Variants in BAHCC1 observed in about 807,000 individuals in gnomAD.
The protein encoded by BAHCC1 is BAH and coiled-coil domain-containing protein 1.
BAHCC1 carries 43 observed loss-of-function variants against 88.2 expected under a neutral mutation model. That is an observed-to-expected ratio of 0.49 (90% CI 0.38 to 0.63). BAHCC1 has a LOEUF of 0.63. Among genes scored for constraint, BAHCC1 ranks in the 20% least tolerant of loss-of-function variants. BAHCC1 has a pLI of 0.00. For synonymous variants in BAHCC1, 1,510 were observed against 745.5 expected, an observed-to-expected ratio of 2.03 and a Z score of -16.71; for missense variants, 3,023 against 1,654.8, an observed-to-expected ratio of 1.83 and a Z score of -14.34.
chr17:81,459,262 C>A lies in BAHCC1; in HGVS notation c.5730C>A (p.Ile1910=). 1 of 779,346 alleles carries A rather than the reference C, an allele frequency of 1.3e-6. No individual in the cohort carries two copies. Among genetic ancestry groups the A allele is most frequent in the Non-Finnish European group, 2.4e-6 (1 of 417,670 alleles). The allele number at this position is 779,346 out of a possible 1,614,324, so 48.3% of individuals were successfully genotyped here. A position where few individuals can be genotyped will look rare whatever the true frequency, so the allele number is the denominator to read the frequency against. The part of the protein sequence containing the change: ...RTLQPPDIYS[I]VIEGERGNRQ... ...TCCCCAATGCCCCCAGCTATAGCATCGTCATCGAGGGCGAGAGGGGCAACC... is the reference window on the plus strand; with the variant it reads ...TCCCCAATGCCCCCAGCTATAGCATAGTCATCGAGGGCGAGAGGGGCAACC... The change falls in exon 22 of 28, where the codon ATC becomes ATA. Residue 1910 remains isoleucine, a synonymous_variant. Transcript: ENST00000675386.
chr17:81,460,781 G>A (rs2030184656), intron 25 of BAHCC1, 75 bp downstream of exon 25: 1 of 773,314 alleles, frequency 1.3e-6, no homozygotes, highest in Non-Finnish European at 2.4e-6. Context: ...GGAGGCCCGT[G>A]GGGTAGGCAG....
At chr17:81,409,753 C>T (rs892431451) in intron 2 of BAHCC1, among the ~76,000 whole-genome samples, 3 of 152,190 alleles carry the variant, frequency 2.0e-5, no homozygotes, top group Non-Finnish European at 4.4e-5. Context: ...CCCTCTGCGA[C>T]GTCTCCATCC....
intron 4 of BAHCC1, among the ~76,000 whole-genome samples, 163 bp from the exon 5 acceptor site, chr17:81,441,668 C>CA (rs11333301): frequency 0.2 from 18,651 of 91,380 alleles, 1,751 homozygotes; most frequent in East Asian, 0.38. Context: ...GACTCCGTCT[C>CA]AAAAAAAAAA....
Position 81,464,003 on chromosome 17 carries a change from C to A in BAHCC1, c.*186C>A, listed in dbSNP as rs1348843519. The A allele has an allele frequency of 3.3e-6, 2 of 605,036 alleles. No individual in the cohort carries two copies. The highest frequency in any genetic ancestry group is 5.9e-6 in the Non-Finnish European group (2 of 338,308). The allele number at this position is 605,036 out of a possible 1,614,324, so 37.5% of individuals were successfully genotyped here. ...TCCCTGGAAAGAGCGCTCCAGGTGT[C>A]GGAATCCAGTCCCGTCCCATCCTCT... On this transcript the variant is annotated 3_prime_UTR_variant, in exon 28 of 28. Transcript: ENST00000675386.
At chr17:81,460,753 T>G (rs1364290151) in intron 25 of BAHCC1, 47 bp downstream of exon 25, 1 of 776,272 alleles carries the variant, frequency 1.3e-6, no homozygotes, top group Non-Finnish European at 2.4e-6. Flanking sequence ...AGGCACCCTC[T>G]GGGGGCTGGG....
intron 2 of BAHCC1, among the ~76,000 whole-genome samples, chr17:81,418,859 A>C (rs1350586162): frequency 6.7e-6 from 1 of 149,940 alleles, no homozygotes. Context: ...CATGTAGCAC[A>C]GTCAGACCTT....
intron 2 of BAHCC1, among the ~76,000 whole-genome samples, chr17:81,412,836 G>A (rs2063971332): frequency 1.3e-5 from 2 of 152,230 alleles, no homozygotes; most frequent in South Asian, 4.1e-4. Flanking sequence ...CCAGGTGTTG[G>A]CTGGGGCCTC....
At chr17:81,396,636 G>C (rs998016052) in intron 1 of BAHCC1, 1 of 152,174 alleles carries the variant, frequency 6.6e-6, no homozygotes, top group Non-Finnish European at 1.5e-5. Flanking sequence ...CCTGGTCTCC[G>C]GCAGGCGGGC....
At position 81,458,649 on chromosome 17, in the gene BAHCC1, T is replaced by A. The variant is rs1555658195; in HGVS notation, c.5372T>A (p.Leu1791Gln). 1 of 719,522 alleles carries A rather than the reference T, an allele frequency of 1.4e-6. No individual in the cohort carries two copies. The highest frequency in any genetic ancestry group is 2.6e-6 in the Non-Finnish European group (1 of 386,428). 44.6% of individuals were successfully genotyped at this position (719,522 alleles called of 1,614,324 possible). A position where few individuals can be genotyped will look rare whatever the true frequency, so the allele number is the denominator to read the frequency against. ...AAGAACGGGGCCCTGTCCATCACGC[T>A]GGCCACACGCAACGCCAAGGCCATC... The part of the protein sequence containing the change: ...RRKNGALSIT[L>Q]ATRNAKAILG... The change falls in exon 19 of 28, where the codon CTG becomes CAG. Residue 1791 changes from leucine (L) to glutamine (Q), a missense_variant. Coordinates refer to ENST00000675386, the MANE Select transcript of BAHCC1 (RefSeq NM_001377448.1).
In BAHCC1 at chr17:81,445,819, C is replaced by G. The variant is rs945062233; in HGVS notation, c.3163+138C>G. The G allele has an allele frequency of 2.8e-5, 17 of 605,946 alleles. No individual in the cohort carries two copies. The South Asian group carries it at 3.3e-4, about 12-fold the overall frequency. The allele number at this position is 605,946 out of a possible 1,614,324, so 37.5% of individuals were successfully genotyped here. On this transcript the variant is annotated intron_variant, in intron 10 of 27. Transcript: ENST00000675386. ...CAGACCCAGGGCAGCATGGCTGTTC[C>G]CTTCCTCTCTCTTCCCTCTTCCCAG...
At position 81,458,603 on chromosome 17, in the gene BAHCC1, C is replaced by A. The variant is rs781822657; in HGVS notation, c.5344-18C>A. On this transcript the variant is annotated intron_variant, in intron 18 of 27. Coordinates refer to ENST00000675386, the MANE Select transcript of BAHCC1 (RefSeq NM_001377448.1). ...TCCCACCCTTGACTCAGCCCCTTCT[C>A]TGCCTGCCCACGCGCAGCGGAAGAA... 1.4e-6 allele frequency: 1 copy of A among 711,426 alleles called. No individual in the cohort carries two copies. Among genetic ancestry groups the A allele is most frequent in the Non-Finnish European group, 2.6e-6 (1 of 382,442 alleles). 44.1% of individuals were successfully genotyped at this position (711,426 alleles called of 1,614,324 possible).
At chr17:81,415,447 C>G (rs782283445) in intron 2 of BAHCC1, 2 of 457,546 alleles carry the variant, frequency 4.4e-6, no homozygotes, top group Admixed American at 4.5e-5. Context: ...AAGGGTAACG[C>G]GAGCGCGAGG....
At chr17:81,418,076 C>G (rs1404721657) in intron 2 of BAHCC1, among the ~76,000 whole-genome samples, 9 of 152,350 alleles carry the variant, frequency 5.9e-5, no homozygotes, top group Admixed American at 5.2e-4. Context: ...CCAAGGCACC[C>G]TCAGACACTT....
rs1555645618 is a variant in BAHCC1, at chr17:81,399,609, C to T, written c.-131C>T. Reference sequence around the variant, plus strand: ...GAAGCCCAGTCCTCCCGCGTGCTGACCGGCCCCGCCGCCACCACCGCCTGT... The same window carrying T: ...GAAGCCCAGTCCTCCCGCGTGCTGATCGGCCCCGCCGCCACCACCGCCTGT... On this transcript the variant is annotated 5_prime_UTR_variant, in exon 2 of 28. Coordinates refer to ENST00000675386, the MANE Select transcript of BAHCC1 (RefSeq NM_001377448.1). The surrounding 1 kb of genome is among the most constrained non-coding windows in gnomAD (Gnocchi z 4.5). The T allele has an allele frequency of 5.4e-6, 3 of 555,134 alleles. No homozygotes were observed. The highest frequency in any genetic ancestry group is 2.0e-5 in the South Asian group (1 of 50,472). 34.4% of individuals were successfully genotyped at this position (555,134 alleles called of 1,614,324 possible).
At chr17:81,426,054 T>TTA (rs2064191644) in intron 2 of BAHCC1, among the ~76,000 whole-genome samples, 1 of 146,956 alleles carries the variant, frequency 6.8e-6, no homozygotes. Context: ...CTCGTGGTGG[T>TTA]GGTGGTGGGT....
In BAHCC1 at chr17:81,455,310, G is replaced by A. The variant is rs371466931; in HGVS notation, c.4489G>A (p.Gly1497Arg). 2 of 717,268 alleles carry A rather than the reference G, an allele frequency of 2.8e-6. No individual in the cohort carries two copies. Among genetic ancestry groups the A allele is most frequent in the African/African-American group, 1.7e-5 (1 of 57,330 alleles). 44.4% of individuals were successfully genotyped at this position (717,268 alleles called of 1,614,324 possible). ...SLGLLCAELR[G>R]GSGGEPAKKR... is the part of the protein sequence containing the mutation. Reference sequence around the variant, plus strand: ...GGGTCTGCTGTGTGCGGAGCTGCGAGGAGGCAGTGGGGGCGAGCCTGCGAA... The same window carrying A: ...GGGTCTGCTGTGTGCGGAGCTGCGAAGAGGCAGTGGGGGCGAGCCTGCGAA... Residue 1497 changes from glycine (G) to arginine (R), a missense_variant, in exon 15 of 28, where the codon GGA becomes AGA. Transcript: ENST00000675386.
At chr17:81,418,797 G>GTGTGTGTGTGTGTGCGCGCA (rs1555649130) in intron 2 of BAHCC1, among the ~76,000 whole-genome samples, 17 of 19,078 alleles carry the variant, frequency 8.9e-4, no homozygotes, top group Admixed American at 3.0e-3. Context: ...ACGTGTGTGC[G>GTGTGTGTGTGTGTGCGCGCA]TGTGTGTGTG....
intron 2 of BAHCC1, among the ~76,000 whole-genome samples, chr17:81,423,254 G>C (rs1421038304): frequency 6.6e-6 from 1 of 152,154 alleles, no homozygotes; most frequent in Non-Finnish European, 1.5e-5. Context: ...ACATGGCTGC[G>C]TTCGCACACG....
At chr17:81,416,569 G>A (rs1046714890) in intron 2 of BAHCC1, among the ~76,000 whole-genome samples, 2 of 79,192 alleles carry the variant, frequency 2.5e-5, no homozygotes, top group Non-Finnish European at 7.1e-5. Flanking sequence ...GGGTGTATGT[G>A]CGTGTGTGTG....
Sources: gnomAD v4.1 joint callset for allele counts (sites outside exome capture counted in the v4.1 genomes callset) on GRCh38, gnomAD v4.1.1 for gene constraint, Gnocchi (gnomAD v3.1) non-coding constraint, MANE v1.5 for transcripts, NCBI Gene and HGNC (gene_info 2026-07-23, HGNC 2026-07-21) for gene names.